PLAGL1: variants seen among roughly 807,000 people sequenced by gnomAD.
PLAGL1 encodes PLAG1 like zinc finger 1.
Under a neutral mutation model 4.6 loss-of-function variants are expected in PLAGL1, and 1 was observed. The ratio of observed to expected loss-of-function variants is 0.22; its 90% CI spans 0.08 to 1.03. The LOEUF is 1.03. Ranked by LOEUF, PLAGL1 falls within the 50% of genes least tolerant of loss-of-function variation. PLAGL1 has a pLI of 0.58. For missense variants in PLAGL1, 464 were observed against 570.4 expected, an observed-to-expected ratio of 0.81 and a Z score of 1.90; for synonymous variants, 240 against 237.8, an observed-to-expected ratio of 1.01 and a Z score of -0.08.
Position 143,941,287 on chromosome 6 carries a change from T to TATCA in PLAGL1, c.*133_*136dup, listed in dbSNP as rs1554245192. On this transcript the variant is annotated 3_prime_UTR_variant, in exon 8 of 8. Transcript: ENST00000674357. This position sits in a 1 kb window ranked among gnomAD's most constrained non-coding sequence, Gnocchi z 6.0. ...AATACATGCAGTTCGAGAATTCTCT[T>TATCA]ATCATCTCAAGCCAGTCATCACTGA... 2.7e-5 allele frequency: 17 copies of TATCA among 618,262 alleles called. No individual in the cohort carries two copies. In the East Asian group the frequency reaches 4.7e-4, roughly 17 times the overall value. 38.3% of individuals were successfully genotyped at this position (618,262 alleles called of 1,614,324 possible). A position where few individuals can be genotyped will look rare whatever the true frequency, so the allele number is the denominator to read the frequency against.
chr6:144,037,767 A>C (rs1006527986), intron 1 of PLAGL1: 9 of 152,152 alleles, frequency 5.9e-5, no homozygotes, highest in African/African-American at 1.4e-4. Flanking sequence ...AGTCACTTTC[A>C]CAAAAAAACC....
At chr6:144,035,851 T>C (rs2128712152) in intron 1 of PLAGL1, among the ~76,000 whole-genome samples, 1 of 152,226 alleles carries the variant, frequency 6.6e-6, no homozygotes, top group Middle Eastern at 3.4e-3. Flanking sequence ...AAAATGACAA[T>C]GTCAAGAACA....
chr6:143,942,406 T>A lies in PLAGL1; in HGVS notation c.410A>T (p.Asp137Val). ...CTCTTCCGCATGGGCTTTGAGGTGGTCCAGTAGCACCTCGGTGCTCCCTAG... is the reference window on the plus strand; with the variant it reads ...CTCTTCCGCATGGGCTTTGAGGTGGACCAGTAGCACCTCGGTGCTCCCTAG... ...LELGSTEVLL[D>V]HLKAHAEEKP... The change falls in exon 8 of 8, where the codon GAC (aspartate) becomes GTC (valine). Residue 137 changes from aspartate to valine, a missense_variant. Coordinates refer to ENST00000674357, the MANE Select transcript of PLAGL1 (RefSeq NM_001317162.2). The surrounding 1 kb of genome is among the most constrained non-coding windows in gnomAD (Gnocchi z 7.6). 2 of 1,614,096 alleles carry A rather than the reference T, an allele frequency of 1.2e-6. No homozygotes were observed. The highest frequency in any genetic ancestry group is 1.7e-6 in the Non-Finnish European group (2 of 1,179,992).
In PLAGL1 at chr6:144,013,759, C is replaced by G. The variant is rs1795372259; in HGVS notation, c.-150-44781G>C. ...TCTCTGTGCGTGCCATGTGCTTTCT[C>G]CTGTGTGTATCTCTCTTATAGGGGT... On this transcript the variant is annotated intron_variant, in intron 1 of 3. Transcript: ENST00000437412. The surrounding 1 kb of genome is among the most constrained non-coding windows in gnomAD (Gnocchi z 4.4). Among the ~76,000 whole-genome samples, 1 of 152,234 alleles carries G rather than the reference C, an allele frequency of 6.6e-6. No homozygotes were observed. Among genetic ancestry groups the G allele is most frequent in the Non-Finnish European group, 1.5e-5 (1 of 68,040 alleles).
chr6:144,042,759 T>C (rs1797837246), intron 1 of PLAGL1, among the ~76,000 whole-genome samples: 1 of 152,228 alleles, frequency 6.6e-6, no homozygotes, highest in Admixed American at 6.5e-5. Context: ...ATAAATTACC[T>C]TGGGCAGTAT....
rs556033912 is a variant in PLAGL1, at chr6:143,994,189, A to G, written c.-583-9015T>C. ...AATTGTTATGGACCAGGGACTCCCTAAAGTATACTCGTGAAATTTATAACT... is the reference window on the plus strand; with the variant it reads ...AATTGTTATGGACCAGGGACTCCCTGAAGTATACTCGTGAAATTTATAACT... On this transcript the variant is annotated intron_variant, in intron 1 of 7. Coordinates refer to ENST00000674357, the MANE Select transcript of PLAGL1 (RefSeq NM_001317162.2). This position sits in a 1 kb window ranked among gnomAD's most constrained non-coding sequence, Gnocchi z 4.3. 6.6e-6 allele frequency among the ~76,000 whole-genome samples: 1 copy of G among 152,310 alleles called. No individual in the cohort carries two copies. The highest frequency in any genetic ancestry group is 1.5e-5 in the Non-Finnish European group (1 of 68,006).
In PLAGL1 at chr6:143,952,534, GTTGA is replaced by G. The variant is rs1188433351; in HGVS notation, c.-324-4078_-324-4075del. Among the ~76,000 whole-genome samples, 2 of 152,170 alleles carry G rather than the reference GTTGA, an allele frequency of 1.3e-5. No homozygotes were observed. Among genetic ancestry groups the G allele is most frequent in the Non-Finnish European group, 2.9e-5 (2 of 68,030 alleles). On this transcript the variant is annotated intron_variant, in intron 6 of 7. Transcript: ENST00000674357. This position sits in a 1 kb window ranked among gnomAD's most constrained non-coding sequence, Gnocchi z 6.1. ...GTGCCATCTGCTTCGTTCTGCTCAT[GTTGA>G]TTATTTTGGGGATGAGAGAGGATCA...
rs929905236 is a variant in PLAGL1 at position 143,994,027 on chromosome 6, T to C, written c.-583-8853A>G. 5.4e-5 allele frequency among the ~76,000 whole-genome samples: 8 copies of C among 149,162 alleles called. No homozygotes were observed. The highest frequency in any genetic ancestry group is 1.5e-4 in the African/African-American group (6 of 40,416). On this transcript the variant is annotated intron_variant, in intron 1 of 7. Transcript: ENST00000674357. The surrounding 1 kb of genome is among the most constrained non-coding windows in gnomAD (Gnocchi z 4.3). ...GGCAAATTCTCAAATGTTCACTTCA[T>C]ATATGGCTAAGGAAAAAAAAAAAAA...
In PLAGL1 at chr6:143,972,097, G is replaced by A. The variant is rs1785528516; in HGVS notation, c.-543-3119C>T. 6.6e-6 allele frequency among the ~76,000 whole-genome samples: 1 copy of A among 152,176 alleles called. No homozygotes were observed. Among genetic ancestry groups the A allele is most frequent in the Non-Finnish European group, 1.5e-5 (1 of 68,024 alleles). On this transcript the variant is annotated intron_variant, in intron 2 of 7. Coordinates refer to ENST00000674357, the MANE Select transcript of PLAGL1 (RefSeq NM_001317162.2). The surrounding 1 kb of genome is among the most constrained non-coding windows in gnomAD (Gnocchi z 6.8). ...CAATCAGGTAACAGCAGACCAATCA[G>A]GTTCTCCCAAAATTTAGTATTTGCA...
chr6:144,056,030 T>C lies in PLAGL1; in HGVS notation c.-151+8438A>G, dbSNP rs941557419. Among the ~76,000 whole-genome samples the C allele has an allele frequency of 6.6e-6, 1 of 152,060 alleles. No individual in the cohort carries two copies. The highest frequency in any genetic ancestry group is 6.5e-5 in the Admixed American group (1 of 15,268). On this transcript the variant is annotated intron_variant, in intron 1 of 3. Coordinates refer to the PLAGL1 transcript ENST00000437412. This position sits in a 1 kb window ranked among gnomAD's most constrained non-coding sequence, Gnocchi z 4.7. ...ATAAGACAGAAGTACCACAGAGAAG[T>C]TCAACATGGTAAAAGATGACTCACT... is the stretch of plus-strand genomic sequence containing the variant.
chr6:143,944,076 G>A (rs1348040410), intron 7 of PLAGL1, among the ~76,000 whole-genome samples: 1 of 152,162 alleles, frequency 6.6e-6, no homozygotes, highest in Non-Finnish European at 1.5e-5. Flanking sequence ...TCCTTTAGGG[G>A]TTTTGTCACG....
intron 1 of PLAGL1, among the ~76,000 whole-genome samples, chr6:144,049,084 G>T (rs540759702): frequency 6.6e-6 from 1 of 152,296 alleles, no homozygotes; most frequent in African/African-American, 2.4e-5. Flanking sequence ...TCTAGGGCAG[G>T]GGCAAAATGC....
chr6:144,049,378 T>C (rs1219888462), intron 1 of PLAGL1, among the ~76,000 whole-genome samples: 1 of 152,248 alleles, frequency 6.6e-6, no homozygotes, highest in Non-Finnish European at 1.5e-5. Flanking sequence ...ACTACCTTGG[T>C]ATCAATTAAC....
chr6:144,051,327 G>A (rs1798570374), intron 1 of PLAGL1, among the ~76,000 whole-genome samples: 1 of 152,226 alleles, frequency 6.6e-6, no homozygotes, highest in Non-Finnish European at 1.5e-5. Flanking sequence ...CATATATTTA[G>A]ATGCCAAACA....
chr6:144,045,381 G>C (rs1251936738), intron 1 of PLAGL1, among the ~76,000 whole-genome samples: 1 of 152,068 alleles, frequency 6.6e-6, no homozygotes, highest in Non-Finnish European at 1.5e-5. Flanking sequence ...CAGGCCTGGT[G>C]GTGACAAAAA....
At chr6:143,991,925 A>G (rs1790562470) in intron 1 of PLAGL1, among the ~76,000 whole-genome samples, 1 of 152,210 alleles carries the variant, frequency 6.6e-6, no homozygotes, top group African/African-American at 2.4e-5. Flanking sequence ...AAGAGAAGGG[A>G]AGACAGGCCA....
intron 1 of PLAGL1, among the ~76,000 whole-genome samples, chr6:144,002,206 GA>G (rs2128660833): frequency 6.6e-6 from 1 of 152,204 alleles, no homozygotes; most frequent in African/African-American, 2.4e-5. Context: ...AGAATAAAAT[GA>G]ATTTGAAAAT....
intron 2 of PLAGL1, among the ~76,000 whole-genome samples, chr6:143,969,382 A>G (rs9399468): frequency 0.44 from 66,165 of 151,784 alleles, 14,552 homozygotes; most frequent in Non-Finnish European, 0.46. Flanking sequence ...AATTAAATAA[A>G]CTAATTTGAG....
At chr6:143,969,735 G>A (rs2128577879) in intron 2 of PLAGL1, among the ~76,000 whole-genome samples, 1 of 152,028 alleles carries the variant, frequency 6.6e-6, no homozygotes, top group South Asian at 2.1e-4. Flanking sequence ...TGAGGGTGAA[G>A]AGGGGGAGGG....
Sources: allele counts gnomAD v4.1 joint callset (sites outside exome capture counted in the v4.1 genomes callset), GRCh38; gene constraint gnomAD v4.1.1; non-coding constraint Gnocchi (gnomAD v3.1); transcripts MANE v1.5; gene names NCBI Gene and HGNC (gene_info 2026-07-23, HGNC 2026-07-21).